EXOC4: variants seen among roughly 807,000 people sequenced by gnomAD.
EXOC4 encodes the protein SEC8-like 1.
Under a neutral mutation model 107.2 loss-of-function variants are expected in EXOC4, and 71 were observed. The ratio of observed to expected loss-of-function variants is 0.66; its 90% CI spans 0.55 to 0.81. The LOEUF (loss-of-function observed/expected upper bound fraction) is 0.81, where lower values mean the gene tolerates loss of function less well. EXOC4 is among the 30% of genes least tolerant of loss of function. EXOC4 has a pLI of 0.00. For missense variants in EXOC4, 1,108 were observed against 1,189.6 expected, an observed-to-expected ratio of 0.93 and a Z score of 1.01; for synonymous variants, 456 against 441.2, an observed-to-expected ratio of 1.03 and a Z score of -0.42.
chr7:133,596,067 G>T (rs184662827), intron 9 of EXOC4, among the ~76,000 whole-genome samples: 1 of 152,060 alleles, frequency 6.6e-6, no homozygotes, highest in Non-Finnish European at 1.5e-5. Flanking sequence ...CATGTTTTCC[G>T]CTTCCGCCCT....
intron 6 of EXOC4, among the ~76,000 whole-genome samples, chr7:133,371,624 C>T (rs543577475): frequency 1.7e-4 from 26 of 152,226 alleles, no homozygotes; most frequent in Admixed American, 4.6e-4. Context: ...CGCATTTTAT[C>T]CATTTATCAG....
At chr7:133,523,753 C>T (rs1281522861) in intron 9 of EXOC4, among the ~76,000 whole-genome samples, 1 of 152,120 alleles carries the variant, frequency 6.6e-6, no homozygotes, top group African/African-American at 2.4e-5. Flanking sequence ...TCATCCATGT[C>T]CCTACAAAGG....
intron 14 of EXOC4, among the ~76,000 whole-genome samples, chr7:133,996,709 T>C (rs1794400074): frequency 6.6e-6 from 1 of 152,156 alleles, no homozygotes; most frequent in Non-Finnish European, 1.5e-5. Context: ...AAAAGGGAAT[T>C]GATCATTCTC....
intron 10 of EXOC4, among the ~76,000 whole-genome samples, chr7:133,770,183 T>C (rs1394658984): frequency 1.3e-5 from 2 of 151,978 alleles, no homozygotes; most frequent in Non-Finnish European, 2.9e-5. Flanking sequence ...TAACTCGTGC[T>C]AAGCATTTAG....
intron 7 of EXOC4, among the ~76,000 whole-genome samples, chr7:133,463,551 G>A (rs1227849641): frequency 6.6e-6 from 1 of 152,134 alleles, no homozygotes; most frequent in Non-Finnish European, 1.5e-5. Context: ...GAAGAGAGCA[G>A]GAGCAAGGGT....
Position 134,007,842 on chromosome 7 carries a change from G to A in EXOC4, c.2687+7G>A, listed in dbSNP as rs1794676773. 2 of 1,607,496 alleles carry A rather than the reference G, an allele frequency of 1.2e-6. No homozygotes were observed. Among genetic ancestry groups the A allele is most frequent in the Non-Finnish European group, 8.5e-7 (1 of 1,176,312 alleles). ...CAGACCTGGACTTTGCAAGGTAGGAGGGAAAACTGGGTTTAGTTTCTTATG... is the reference window on the plus strand; with the variant it reads ...CAGACCTGGACTTTGCAAGGTAGGAAGGAAAACTGGGTTTAGTTTCTTATG... On this transcript the variant is annotated splice_region_variant and intron_variant, in intron 17 of 17. Coordinates refer to ENST00000253861, the MANE Select transcript of EXOC4 (RefSeq NM_021807.4).
chr7:134,052,259 AT>A (rs1259834769), intron 17 of EXOC4, among the ~76,000 whole-genome samples: 1 of 152,124 alleles, frequency 6.6e-6, no homozygotes, highest in African/African-American at 2.4e-5. Context: ...TTGTTTCTTG[AT>A]TTGTTTTTCC....
At chr7:133,611,184 G>A (rs1802068800) in intron 9 of EXOC4, among the ~76,000 whole-genome samples, 1 of 152,090 alleles carries the variant, frequency 6.6e-6, no homozygotes, top group Admixed American at 6.6e-5. Flanking sequence ...AAGAAAATAA[G>A]CCAGTGAAAT....
At chr7:133,494,041 A>G (rs1260987106) in intron 9 of EXOC4, among the ~76,000 whole-genome samples, 1 of 152,222 alleles carries the variant, frequency 6.6e-6, no homozygotes, top group Non-Finnish European at 1.5e-5. Context: ...GCAGCTGAAA[A>G]TTTGGCATTG....
rs1795851146 is a variant in EXOC4 at position 133,754,207 on chromosome 7, C to T, written c.1515-63118C>T. ...TTGGAGGTAAAGGGGAGGGAGAAGG[C>T]CACGGTGATCCCCCAATTCTGCCCT... is the stretch of plus-strand genomic sequence containing the variant. On this transcript the variant is annotated intron_variant, in intron 10 of 17. Transcript: ENST00000253861. 4.6e-5 allele frequency among the ~76,000 whole-genome samples: 7 copies of T among 152,142 alleles called. No homozygotes were observed. In the South Asian group the frequency reaches 1.2e-3, roughly 27 times the overall value.
At chr7:133,718,801 G>A (rs1296656727) in intron 10 of EXOC4, among the ~76,000 whole-genome samples, 2 of 152,164 alleles carry the variant, frequency 1.3e-5, no homozygotes, top group South Asian at 2.1e-4. Flanking sequence ...CTGAGAAAGC[G>A]AGTGGTGAGA....
At chr7:134,011,775 A>G (rs1794770179) in intron 17 of EXOC4, among the ~76,000 whole-genome samples, 1 of 150,624 alleles carries the variant, frequency 6.6e-6, no homozygotes, top group Non-Finnish European at 1.5e-5. Context: ...ATGATAATAT[A>G]TGCTGTAGTT....
intron 1 of EXOC4, among the ~76,000 whole-genome samples, chr7:133,273,330 C>T (rs1417785794): frequency 1.3e-5 from 2 of 152,128 alleles, no homozygotes; most frequent in Non-Finnish European, 2.9e-5. Context: ...AATAGTCAAA[C>T]ACTTGGGTGG....
At chr7:133,761,678 G>A (rs1198357511) in intron 10 of EXOC4, among the ~76,000 whole-genome samples, 1 of 152,198 alleles carries the variant, frequency 6.6e-6, no homozygotes, top group African/African-American at 2.4e-5. Context: ...TGCCTGGCTA[G>A]TGTTTGATCA....
intron 17 of EXOC4, among the ~76,000 whole-genome samples, chr7:134,033,628 G>A (rs565339872): frequency 6.6e-6 from 1 of 152,280 alleles, no homozygotes; most frequent in East Asian, 1.9e-4. Context: ...AATTACTGAA[G>A]AACTAGTAAA....
intron 7 of EXOC4, among the ~76,000 whole-genome samples, chr7:133,470,199 G>T (rs767174641): frequency 7.9e-5 from 12 of 152,108 alleles, no homozygotes; most frequent in Admixed American, 2.0e-4. Flanking sequence ...GACAGAAGAT[G>T]TGTTAATTCT....
chr7:133,782,777 G>C (rs1170956109), intron 10 of EXOC4, among the ~76,000 whole-genome samples: 1 of 152,142 alleles, frequency 6.6e-6, no homozygotes, highest in African/African-American at 2.4e-5. Flanking sequence ...TGCTGTGCAC[G>C]TGGAGAGAGG....
chr7:133,857,807 G>A (rs1397346215), intron 11 of EXOC4, among the ~76,000 whole-genome samples: 1 of 152,098 alleles, frequency 6.6e-6, no homozygotes, highest in South Asian at 2.1e-4. Context: ...GCCCCAAGGG[G>A]TGGGTGTGGA....
intron 11 of EXOC4, among the ~76,000 whole-genome samples, chr7:133,869,645 T>G (rs1295180862): frequency 1.3e-5 from 2 of 152,216 alleles, no homozygotes; most frequent in Non-Finnish European, 2.9e-5. Flanking sequence ...TCTATTTGTA[T>G]CCAGCTGTAC....
Sources: gnomAD v4.1 joint callset for allele counts (sites outside exome capture counted in the v4.1 genomes callset) on GRCh38, gnomAD v4.1.1 for gene constraint, MANE v1.5 for transcripts, NCBI Gene and HGNC (gene_info 2026-07-23, HGNC 2026-07-21) for gene names.